Variants in EMCN observed in about 807,000 individuals in gnomAD.
The protein encoded by EMCN is MUC-14.
Under a neutral mutation model 38.4 loss-of-function variants are expected in EMCN, and 37 were observed. The observed-to-expected ratio is 0.96, with a 90% CI of 0.74 to 1.27. EMCN has a LOEUF of 1.27. Ranked by LOEUF, EMCN falls within the 50% of genes most tolerant of loss-of-function variation. The pLI is 0.00. For synonymous variants in EMCN, 95 were observed against 100.8 expected (o/e 0.94, Z 0.35); for missense variants, 318 against 302.8 (o/e 1.05, Z -0.37).
At chr4:100,452,126 A>G (rs1245862750) in intron 4 of EMCN, among the ~76,000 whole-genome samples, 2 of 152,048 alleles carry the variant, frequency 1.3e-5, no homozygotes, top group Non-Finnish European at 2.9e-5. Flanking sequence ...TGCCTTGAAG[A>G]AAAAAGACCT....
At chr4:100,484,468 C>T (rs1039832741) in intron 1 of EMCN, among the ~76,000 whole-genome samples, 1 of 152,094 alleles carries the variant, frequency 6.6e-6, no homozygotes, top group Non-Finnish European at 1.5e-5. Flanking sequence ...CTCAGACTGG[C>T]CTTGAACTCC....
intron 5 of EMCN, among the ~76,000 whole-genome samples, chr4:100,433,244 C>G (rs1727251854): frequency 6.6e-6 from 1 of 152,170 alleles, no homozygotes; most frequent in Non-Finnish European, 1.5e-5. Flanking sequence ...GCTTATTTCA[C>G]TTAGCATAAT....
intron 2 of EMCN, 50 bp downstream of exon 2, chr4:100,479,867 C>T: frequency 6.7e-7 from 1 of 1,489,864 alleles, no homozygotes; most frequent in Non-Finnish European, 9.2e-7. Context: ...ATACATACTA[C>T]TAATTTTATT....
intron 1 of EMCN, among the ~76,000 whole-genome samples, chr4:100,501,956 T>G (rs541486583): frequency 6.6e-6 from 1 of 152,194 alleles, no homozygotes; most frequent in African/African-American, 2.4e-5. Flanking sequence ...CATCTAGTGC[T>G]AAGGAAATTG....
chr4:100,511,989 G>T (rs1729636496), intron 1 of EMCN, among the ~76,000 whole-genome samples: 1 of 152,182 alleles, frequency 6.6e-6, no homozygotes, highest in Non-Finnish European at 1.5e-5. Context: ...TCTAGTTCAG[G>T]CATCTGATAA....
At chr4:100,515,767 G>A (rs1325370455) in intron 1 of EMCN, among the ~76,000 whole-genome samples, 1 of 151,988 alleles carries the variant, frequency 6.6e-6, no homozygotes, top group Non-Finnish European at 1.5e-5. Context: ...TCTGGAACTA[G>A]GGGTTAAGGA....
chr4:100,425,149 GCA>G lies in EMCN; in HGVS notation c.416-1747_416-1746del, dbSNP rs57293882. Among the ~76,000 whole-genome samples, 1,283 of 141,220 alleles carry G rather than the reference GCA, an allele frequency of 9.1e-3. 22 individuals carry two copies. The highest frequency in any genetic ancestry group is 0.026 in the African/African-American group (969 of 37,216). 92.6% of individuals were successfully genotyped at this position (141,220 alleles called of 152,430 possible). On this transcript the variant is annotated intron_variant, in intron 5 of 11. Coordinates refer to ENST00000296420, the MANE Select transcript of EMCN (RefSeq NM_016242.4). The stretch of plus-strand genomic sequence containing the variant: ...AGTTAAGAAATTATTTCTGAATCCA[GCA>G]CACACACACACACACACACACACAC...
At position 100,447,515 on chromosome 4, in the gene EMCN, A is replaced by C. The variant is rs760858392; in HGVS notation, c.415+18T>G. 19 of 1,580,722 alleles carry C rather than the reference A, an allele frequency of 1.2e-5. No individual in the cohort carries two copies. Among genetic ancestry groups the C allele is most frequent in the Middle Eastern group, 1.7e-4 (1 of 6,016 alleles). Reference sequence around the variant, plus strand: ...CCCATGAAAATACTAAGAGAGAGACAGAGAAAAAAGAGCTTACCTGGTATT... The same window carrying C: ...CCCATGAAAATACTAAGAGAGAGACCGAGAAAAAAGAGCTTACCTGGTATT... On this transcript the variant is annotated intron_variant, in intron 5 of 11. Transcript: ENST00000296420.
At chr4:100,481,929 C>T (rs571322274) in intron 1 of EMCN, among the ~76,000 whole-genome samples, 268 of 151,670 alleles carry the variant, frequency 1.8e-3, no homozygotes, top group Non-Finnish European at 2.9e-3. Context: ...TCTCTTCCTT[C>T]CTCCTTCCTT....
At chr4:100,461,219 C>T (rs1728169050) in intron 4 of EMCN, among the ~76,000 whole-genome samples, 1 of 152,126 alleles carries the variant, frequency 6.6e-6, no homozygotes, top group African/African-American at 2.4e-5. Context: ...CATATGTTCA[C>T]TTCTTGACTT....
At chr4:100,416,879 T>C (rs530294895) in intron 9 of EMCN, among the ~76,000 whole-genome samples, 5 of 152,140 alleles carry the variant, frequency 3.3e-5, no homozygotes, top group Admixed American at 2.0e-4. Flanking sequence ...CATAATTATA[T>C]TCATTCTTCT....
At chr4:100,482,241 T>A (rs1160372683) in intron 1 of EMCN, among the ~76,000 whole-genome samples, 1 of 152,018 alleles carries the variant, frequency 6.6e-6, no homozygotes, top group Non-Finnish European at 1.5e-5. Flanking sequence ...AGAAACAATA[T>A]GAGAGTGGTA....
intron 5 of EMCN, among the ~76,000 whole-genome samples, chr4:100,428,323 T>C (rs1727108618): frequency 6.6e-6 from 1 of 152,112 alleles, no homozygotes. Context: ...ACTTCCTTCT[T>C]GTATTTACTC....
At chr4:100,516,864 C>T (rs949592877) in intron 1 of EMCN, among the ~76,000 whole-genome samples, 1 of 151,394 alleles carries the variant, frequency 6.6e-6, no homozygotes, top group Non-Finnish European at 1.5e-5. Flanking sequence ...TTGTTTTTTT[C>T]CCCCCAAGAC....
chr4:100,517,792 TGA>T, intron 1 of EMCN, 57 bp downstream of exon 1: 1 of 1,514,978 alleles, frequency 6.6e-7, no homozygotes, highest in Non-Finnish European at 9.2e-7. Flanking sequence ...AAACTGAGGC[TGA>T]GTCACCTACT....
intron 5 of EMCN, among the ~76,000 whole-genome samples, chr4:100,430,025 C>T (rs1030854825): frequency 2.0e-5 from 3 of 152,050 alleles, no homozygotes; most frequent in Admixed American, 6.6e-5. Flanking sequence ...AAAATCTATT[C>T]TTAGCATTCT....
chr4:100,473,365 G>GTTTTTT, intron 3 of EMCN, among the ~76,000 whole-genome samples: 1,045 of 29,724 alleles, frequency 0.035, 241 homozygotes, highest in South Asian at 0.076. Flanking sequence ...CCCGTTTCGT[G>GTTTTTT]TTTTTTTGTT....
At chr4:100,486,295 G>A (rs1728939849) in intron 1 of EMCN, among the ~76,000 whole-genome samples, 2 of 152,040 alleles carry the variant, frequency 1.3e-5, no homozygotes, top group Non-Finnish European at 2.9e-5. Flanking sequence ...TCAAATAGAA[G>A]AGGAAAACCA....
At chr4:100,403,021 T>G (rs1264990756) in intron 11 of EMCN, among the ~76,000 whole-genome samples, 1 of 152,282 alleles carries the variant, frequency 6.6e-6, no homozygotes, top group East Asian at 1.9e-4. Context: ...TCTCAAACTT[T>G]GCACCTGAAA....
Sources: allele counts gnomAD v4.1 joint callset (sites outside exome capture counted in the v4.1 genomes callset), GRCh38; gene constraint gnomAD v4.1.1; transcripts MANE v1.5; gene names NCBI Gene and HGNC (gene_info 2026-07-23, HGNC 2026-07-21).